The following EPHB2 variants were observed in gnomAD, a reference collection of about 807,000 sequenced individuals.
EPHB2 encodes the protein ephrin type-B receptor 2.
EPHB2 carries 18 observed loss-of-function variants against 96.4 expected under a neutral mutation model. That is an observed-to-expected ratio of 0.19 (90% CI 0.13 to 0.28). The LOEUF is 0.28. Among genes scored for constraint, EPHB2 ranks in the 10% least tolerant of loss-of-function variants. The pLI, the probability that EPHB2 is intolerant of heterozygous loss-of-function variation, is 1.00. For missense variants in EPHB2, 989 were observed against 1,355.4 expected (o/e 0.73, Z 4.25); for synonymous variants, 506 against 534.1 (o/e 0.95, Z 0.72).
chr1:22,913,625 G>A lies in EPHB2; in HGVS notation c.*55G>A, dbSNP rs767699695. 6.8e-6 allele frequency: 11 copies of A among 1,608,728 alleles called. No individual in the cohort carries two copies. Among genetic ancestry groups the A allele is most frequent in the Admixed American group, 5.1e-5 (3 of 59,054 alleles). On this transcript the variant is annotated 3_prime_UTR_variant, in exon 16 of 16. Coordinates refer to ENST00000374630, the MANE Select transcript of EPHB2 (RefSeq NM_017449.5). This position sits in a 1 kb window ranked among gnomAD's most constrained non-coding sequence, Gnocchi z 4.1. ...CCAAGCCCCGCCCCCTCTGCCCCAC[G>A]TGCCGGCCCTCCTGGTGCTCTATCC... is the stretch of plus-strand genomic sequence containing the variant.
chr1:22,731,644 C>G (rs1012596491), intron 1 of EPHB2, among the ~76,000 whole-genome samples: 3 of 152,150 alleles, frequency 2.0e-5, no homozygotes, highest in Non-Finnish European at 4.4e-5. Context: ...TCAAGACCAG[C>G]CTGGCCAACA....
intron 5 of EPHB2, among the ~76,000 whole-genome samples, chr1:22,872,035 T>C (rs930187758): frequency 6.8e-6 from 1 of 146,196 alleles, no homozygotes; most frequent in East Asian, 2.0e-4. Flanking sequence ...AAAAAAAATC[T>C]AGCATGGATC....
chr1:22,714,243 G>A (rs1643236513), intron 1 of EPHB2, among the ~76,000 whole-genome samples: 1 of 152,144 alleles, frequency 6.6e-6, no homozygotes, highest in Non-Finnish European at 1.5e-5. Context: ...GGCGGCAGGT[G>A]CACTTGAGGA....
intron 3 of EPHB2, among the ~76,000 whole-genome samples, chr1:22,801,634 G>C (rs1256467178): frequency 6.6e-6 from 1 of 152,136 alleles, no homozygotes; most frequent in Non-Finnish European, 1.5e-5. Flanking sequence ...ATGGCCTACA[G>C]GCCCAAGGCA....
At chr1:22,712,831 C>T (rs1643189949) in intron 1 of EPHB2, among the ~76,000 whole-genome samples, 1 of 152,204 alleles carries the variant, frequency 6.6e-6, no homozygotes, top group African/African-American at 2.4e-5. Context: ...GCCCGCTATA[C>T]ATTGGGATGT....
At chr1:22,884,635 A>T (rs1237127556) in intron 6 of EPHB2, among the ~76,000 whole-genome samples, 1 of 151,662 alleles carries the variant, frequency 6.6e-6, no homozygotes, top group Non-Finnish European at 1.5e-5. Flanking sequence ...AAAAAAAAAA[A>T]AAAAAAAGAG....
intron 9 of EPHB2, among the ~76,000 whole-genome samples, chr1:22,903,410 G>C (rs1357771296): frequency 1.3e-5 from 2 of 152,222 alleles, no homozygotes; most frequent in African/African-American, 4.8e-5. Context: ...AAGGCTGATG[G>C]GGAAAGAGGT....
rs540298256 is a variant in EPHB2, at chr1:22,762,419, T to A, written c.62-19002T>A. On this transcript the variant is annotated intron_variant, in intron 1 of 15. Transcript: ENST00000374630. ...AGGAAGGTAGCCTCTTCTGGGGGCCTGGAAACCAGGTTCCCAGGCCACCTT... is the reference window on the plus strand; with the variant it reads ...AGGAAGGTAGCCTCTTCTGGGGGCCAGGAAACCAGGTTCCCAGGCCACCTT... Among the ~76,000 whole-genome samples the A allele has an allele frequency of 2.8e-4, 43 of 152,292 alleles. 1 individual carries two copies. The South Asian group carries it at 7.0e-3, about 25-fold the overall frequency.
chr1:22,763,255 C>T (rs1644259785), intron 1 of EPHB2, among the ~76,000 whole-genome samples: 1 of 152,180 alleles, frequency 6.6e-6, no homozygotes, highest in African/African-American at 2.4e-5. Context: ...TAAAATGGGG[C>T]TGATAATAGT....
intron 1 of EPHB2, among the ~76,000 whole-genome samples, chr1:22,720,893 G>C (rs1453922786): frequency 2.0e-5 from 3 of 152,154 alleles, no homozygotes; most frequent in Non-Finnish European, 2.9e-5. Context: ...AAGGGGCCTT[G>C]GGCTGGTGGG....
chr1:22,913,272 C>A lies in EPHB2; in HGVS notation c.2853-190C>A. ...GGCCCCCTAGGGACCCTGATTCCGACTCAAGTGCTCTTCCACCTCACACCA... is the reference window on the plus strand; with the variant it reads ...GGCCCCCTAGGGACCCTGATTCCGAATCAAGTGCTCTTCCACCTCACACCA... On this transcript the variant is annotated intron_variant, in intron 15 of 15. Coordinates refer to ENST00000374630, the MANE Select transcript of EPHB2 (RefSeq NM_017449.5). The surrounding 1 kb of genome is among the most constrained non-coding windows in gnomAD (Gnocchi z 4.1). The A allele has an allele frequency of 1.4e-6, 1 of 692,146 alleles. No individual in the cohort carries two copies. The highest frequency in any genetic ancestry group is 2.5e-6 in the Non-Finnish European group (1 of 398,210). 42.9% of individuals were successfully genotyped at this position (692,146 alleles called of 1,614,324 possible).
intron 1 of EPHB2, among the ~76,000 whole-genome samples, chr1:22,734,452 C>T (rs529794638): frequency 3.5e-5 from 5 of 140,854 alleles, no homozygotes; most frequent in Non-Finnish European, 6.1e-5. Flanking sequence ...GACTGAGTTT[C>T]GCTCTATTGC....
chr1:22,741,325 A>G (rs1570186274), intron 1 of EPHB2, among the ~76,000 whole-genome samples: 1 of 151,766 alleles, frequency 6.6e-6, no homozygotes. Context: ...TCCTCCCCCT[A>G]AGTAAAACTC....
chr1:22,855,717 A>G (rs1645688293), intron 3 of EPHB2, among the ~76,000 whole-genome samples: 1 of 152,256 alleles, frequency 6.6e-6, no homozygotes. Context: ...CATGAGCCAG[A>G]CAGACACTGT....
chr1:22,744,669 CTCAA>C (rs1408426941), intron 1 of EPHB2, among the ~76,000 whole-genome samples: 1 of 52,644 alleles, frequency 1.9e-5, no homozygotes, highest in African/African-American at 8.6e-5. Context: ...GAGACATTGT[CTCAA>C]AAAAAAAAAA....
chr1:22,915,350 C>T lies in EPHB2; in HGVS notation c.*1780C>T, dbSNP rs1278181485. Reference sequence around the variant, plus strand: ...ATATGACCCCTGTTCTCTGTAAGTTCCAAGGGAGACCTTGGTACCCTTGGG... The same window carrying T: ...ATATGACCCCTGTTCTCTGTAAGTTTCAAGGGAGACCTTGGTACCCTTGGG... On this transcript the variant is annotated 3_prime_UTR_variant, in exon 16 of 16. Transcript: ENST00000374630. 3 of 152,148 alleles carry T rather than the reference C, an allele frequency of 2.0e-5. No homozygotes were observed. The East Asian group carries it at 5.8e-4, about 29-fold the overall frequency. The allele number at this position is 152,148 out of a possible 1,614,324, so 9.4% of individuals were successfully genotyped here. A position where few individuals can be genotyped will look rare whatever the true frequency, so the allele number is the denominator to read the frequency against.
At chr1:22,856,723 C>T (rs537739991) in intron 3 of EPHB2, among the ~76,000 whole-genome samples, 20 of 152,202 alleles carry the variant, frequency 1.3e-4, no homozygotes, top group African/African-American at 4.6e-4. Flanking sequence ...GATAATGGTA[C>T]CTAGTTGGGT....
chr1:22,812,201 C>T (rs1557689492), intron 3 of EPHB2, among the ~76,000 whole-genome samples: 2 of 152,194 alleles, frequency 1.3e-5, no homozygotes, highest in Non-Finnish European at 2.9e-5. Context: ...GTAGGCACCA[C>T]CAGTCATACC....
chr1:22,883,488 T>C (rs1002163209), intron 6 of EPHB2, among the ~76,000 whole-genome samples: 5 of 152,246 alleles, frequency 3.3e-5, no homozygotes, highest in African/African-American at 1.2e-4. Context: ...CAAGGGCACC[T>C]GGGAAAGGCA....
Sources: gnomAD v4.1 joint callset for allele counts (sites outside exome capture counted in the v4.1 genomes callset) on GRCh38, gnomAD v4.1.1 for gene constraint, Gnocchi (gnomAD v3.1) non-coding constraint, MANE v1.5 for transcripts, NCBI Gene and HGNC (gene_info 2026-07-23, HGNC 2026-07-21) for gene names.